ADARB2: variants seen among roughly 807,000 people sequenced by gnomAD.
The protein encoded by ADARB2 is inactive double-stranded RNA-specific editase B2.
ADARB2 carries 25 observed loss-of-function variants against 62.2 expected under a neutral mutation model. That is an observed-to-expected ratio of 0.40 (90% confidence interval 0.29 to 0.56). The LOEUF (loss-of-function observed/expected upper bound fraction) is 0.56. ADARB2 is among the 20% of genes least tolerant of loss of function. ADARB2 has a pLI of 0.43. For synonymous variants in ADARB2, 572 were observed against 500.8 expected (o/e 1.14, Z -1.90); for missense variants, 1,071 against 1,077.4 (o/e 0.99, Z 0.08).
chr10:1,324,091 C>T (rs2131828877), intron 3 of ADARB2, among the ~76,000 whole-genome samples: 1 of 152,262 alleles, frequency 6.6e-6, no homozygotes, highest in East Asian at 1.9e-4. Flanking sequence ...GGGCAAAAGA[C>T]ACAAAGACTT....
intron 2 of ADARB2, among the ~76,000 whole-genome samples, chr10:1,366,950 T>C (rs1215247447): frequency 6.6e-6 from 1 of 152,134 alleles, no homozygotes; most frequent in Non-Finnish European, 1.5e-5. Context: ...AACTTAGAAA[T>C]AGAGGTTGAG....
chr10:1,342,964 A>G (rs1384190079), intron 3 of ADARB2, among the ~76,000 whole-genome samples: 1 of 152,254 alleles, frequency 6.6e-6, no homozygotes, highest in Non-Finnish European at 1.5e-5. Context: ...CTTCAACTTA[A>G]GAGACTTGTA....
intron 1 of ADARB2, among the ~76,000 whole-genome samples, chr10:1,687,200 AT>A (rs1359361439): frequency 1.3e-5 from 2 of 151,836 alleles, no homozygotes; most frequent in African/African-American, 2.4e-5. Context: ...TGATTTTTGT[AT>A]TTTTAGCAGA....
chr10:1,194,434 G>A (rs1329975450), intron 8 of ADARB2, among the ~76,000 whole-genome samples: 2 of 152,182 alleles, frequency 1.3e-5, no homozygotes, highest in Non-Finnish European at 2.9e-5. Flanking sequence ...CAGCCTACAC[G>A]ATTGCATGAG....
chr10:1,583,650 ACTT>A (rs1275826582), intron 1 of ADARB2, among the ~76,000 whole-genome samples: 3 of 152,240 alleles, frequency 2.0e-5, no homozygotes, highest in African/African-American at 7.2e-5. Flanking sequence ...TTAAGATGTC[ACTT>A]CTTCCTCACT....
chr10:1,420,548 T>A (rs1365692764), intron 1 of ADARB2, among the ~76,000 whole-genome samples: 1 of 150,240 alleles, frequency 6.7e-6, no homozygotes, highest in African/African-American at 2.5e-5. Flanking sequence ...AGGACCATGG[T>A]TTTTCATGAT....
chr10:1,718,513 C>A (rs1835050099), intron 1 of ADARB2, among the ~76,000 whole-genome samples: 1 of 152,210 alleles, frequency 6.6e-6, no homozygotes, highest in African/African-American at 2.4e-5. Context: ...CGTGTGAGTC[C>A]ACAATCGAGT....
At chr10:1,573,248 A>C (rs1186942646) in intron 1 of ADARB2, among the ~76,000 whole-genome samples, 2 of 152,196 alleles carry the variant, frequency 1.3e-5, no homozygotes, top group African/African-American at 2.4e-5. Context: ...CAGGGCTCTC[A>C]GCTGGGAAAG....
At chr10:1,649,912 TGAGG>T (rs1834088906) in intron 1 of ADARB2, among the ~76,000 whole-genome samples, 1 of 152,222 alleles carries the variant, frequency 6.6e-6, no homozygotes, top group African/African-American at 2.4e-5. Flanking sequence ...TCTGAAATCA[TGAGG>T]GAGTGGCTTC....
intron 4 of ADARB2, among the ~76,000 whole-genome samples, chr10:1,252,415 G>C (rs1419805424): frequency 6.6e-6 from 1 of 152,168 alleles, no homozygotes; most frequent in African/African-American, 2.4e-5. Flanking sequence ...AGCTTGCCTT[G>C]AGAAAGACTC....
chr10:1,712,170 A>T (rs55935058), intron 1 of ADARB2, among the ~76,000 whole-genome samples: 2 of 152,056 alleles, frequency 1.3e-5, no homozygotes, highest in African/African-American at 4.8e-5. Context: ...CGTGCAGGAA[A>T]CTTCCTCCAG....
chr10:1,363,756 A>G lies in ADARB2; in HGVS notation c.349T>C (p.Trp117Arg). 1 of 1,606,068 alleles carries G rather than the reference A, an allele frequency of 6.2e-7. No homozygotes were observed. The highest frequency in any genetic ancestry group is 8.5e-7 in the Non-Finnish European group (1 of 1,179,314). Residue 117 changes from tryptophan (W) to arginine (R), a missense_variant, in exon 3 of 10, where the codon TGG becomes CGG. Coordinates refer to ENST00000381312, the MANE Select transcript of ADARB2 (RefSeq NM_018702.4). ...GCCACCGACCACGACAGCTTCTTCC[A>G]GACCAGCTGCAGTTTGCACAAGTGG... The part of the protein sequence containing the change: ...GGHLCKLQLV[W>R]KKLSWSVAPK...
chr10:1,267,167 G>A (rs1589170634), intron 4 of ADARB2, among the ~76,000 whole-genome samples: 2 of 150,868 alleles, frequency 1.3e-5, no homozygotes, highest in African/African-American at 2.4e-5. Context: ...TCCCCCTCCC[G>A]GGTAGGTGTG....
intron 1 of ADARB2, among the ~76,000 whole-genome samples, chr10:1,560,440 G>T (rs7918979): frequency 0.3 from 43,099 of 144,076 alleles, 8,107 homozygotes; most frequent in East Asian, 0.6. Context: ...GGCGCACCCT[G>T]GGTCGTCACA....
intron 1 of ADARB2, among the ~76,000 whole-genome samples, chr10:1,399,837 C>T (rs570090480): frequency 6.6e-6 from 1 of 152,232 alleles, no homozygotes; most frequent in African/African-American, 2.4e-5. Flanking sequence ...GGAAGAAAAC[C>T]CAGCAGGGGG....
At position 1,191,978 on chromosome 10, in the gene ADARB2, C is replaced by G. The variant is rs552620443; in HGVS notation, c.1865-6939G>C. On this transcript the variant is annotated intron_variant, in intron 8 of 9. Transcript: ENST00000381312. ...CAGCACAACCACTGCTGTTACATCA[C>G]CATTACTAGGACCGGTGGGGGTGAA... is the stretch of plus-strand genomic sequence containing the variant. 2.6e-5 allele frequency among the ~76,000 whole-genome samples: 4 copies of G among 152,294 alleles called. No individual in the cohort carries two copies. The South Asian group carries it at 8.3e-4, about 32-fold the overall frequency.
At chr10:1,276,269 A>AT (rs1195217054) in intron 3 of ADARB2, among the ~76,000 whole-genome samples, 1 of 152,012 alleles carries the variant, frequency 6.6e-6, no homozygotes, top group Non-Finnish European at 1.5e-5. Flanking sequence ...GATGATGAGC[A>AT]TTTTTTCATG....
intron 1 of ADARB2, among the ~76,000 whole-genome samples, chr10:1,529,889 C>T (rs11595131): frequency 9.9e-6 from 1 of 100,902 alleles, no homozygotes; most frequent in South Asian, 3.4e-4. Context: ...CGTCCACTGC[C>T]CCCTGCCACC....
chr10:1,536,743 G>A (rs780292175), intron 1 of ADARB2, among the ~76,000 whole-genome samples: 6 of 152,168 alleles, frequency 3.9e-5, no homozygotes, highest in African/African-American at 1.4e-4. Context: ...ATGGTGCTGG[G>A]AAAACTGGCC....
Sources: gnomAD v4.1 joint callset for allele counts (sites outside exome capture counted in the v4.1 genomes callset) on GRCh38, gnomAD v4.1.1 for gene constraint, MANE v1.5 for transcripts, NCBI Gene and HGNC (gene_info 2026-07-23, HGNC 2026-07-21) for gene names.